Variants in SGCZ observed in about 807,000 individuals in gnomAD.
SGCZ encodes zeta-sarcoglycan.
Under a neutral mutation model 41.3 loss-of-function variants are expected in SGCZ, and 40 were observed. That is an observed-to-expected ratio of 0.97 (90% CI 0.75 to 1.26). The LOEUF (loss-of-function observed/expected upper bound fraction) is 1.26, where lower values mean the gene tolerates loss of function less well. Among genes scored for constraint, SGCZ ranks in the 50% most tolerant of loss-of-function variants. The probability of loss-of-function intolerance (pLI) is 0.00; values close to 1 mark genes in which losing one functional copy is unlikely to be tolerated. For synonymous variants in SGCZ, 206 were observed against 137.5 expected, an observed-to-expected ratio of 1.50 and a Z score of -3.49; for missense variants, 552 against 369.8, an observed-to-expected ratio of 1.49 and a Z score of -4.04.
At chr8:14,410,519 C>A in intron 2 of SGCZ, among the ~76,000 whole-genome samples, 1 of 146,608 alleles carries the variant, frequency 6.8e-6, no homozygotes, top group Non-Finnish European at 1.5e-5. Flanking sequence ...ATGTGAAATG[C>A]TGTGTAATTC....
At chr8:14,553,526 C>A (rs577410910) in intron 2 of SGCZ, among the ~76,000 whole-genome samples, 1 of 152,130 alleles carries the variant, frequency 6.6e-6, no homozygotes, top group Admixed American at 6.6e-5. Flanking sequence ...AAAAATGGAA[C>A]CGTGGCTCAT....
intron 7 of SGCZ, among the ~76,000 whole-genome samples, chr8:14,093,375 C>G (rs991797748): frequency 6.6e-6 from 1 of 152,036 alleles, no homozygotes; most frequent in Admixed American, 6.6e-5. Context: ...CTGATGTCAT[C>G]CCCCACACTT....
chr8:15,083,860 A>C (rs1428100031), intron 1 of SGCZ, among the ~76,000 whole-genome samples: 2 of 152,176 alleles, frequency 1.3e-5, no homozygotes, highest in Non-Finnish European at 2.9e-5. Context: ...CTGGGGTTAC[A>C]GGTATAAGCC....
chr8:14,580,144 T>C (rs1804840017), intron 1 of SGCZ, among the ~76,000 whole-genome samples: 1 of 152,160 alleles, frequency 6.6e-6, no homozygotes, highest in Non-Finnish European at 1.5e-5. Context: ...AACACAGAAT[T>C]GCTCAGTTAG....
chr8:14,527,476 A>T (rs892810911), intron 2 of SGCZ, among the ~76,000 whole-genome samples: 4 of 151,978 alleles, frequency 2.6e-5, no homozygotes, highest in African/African-American at 9.7e-5. Context: ...TAATTTTTAA[A>T]CTATTTTTTG....
intron 3 of SGCZ, among the ~76,000 whole-genome samples, chr8:14,274,793 A>C (rs1800174163): frequency 6.6e-6 from 1 of 152,052 alleles, no homozygotes; most frequent in Non-Finnish European, 1.5e-5. Flanking sequence ...AATAAGAAAC[A>C]CTATTATCAA....
At chr8:15,223,166 A>G (rs529102020) in intron 1 of SGCZ, among the ~76,000 whole-genome samples, 1 of 152,284 alleles carries the variant, frequency 6.6e-6, no homozygotes, top group East Asian at 1.9e-4. Context: ...ATTGAAATAA[A>G]CTTGGTTTAC....
chr8:14,764,360 A>C (rs1269471482), intron 1 of SGCZ, among the ~76,000 whole-genome samples: 2 of 152,218 alleles, frequency 1.3e-5, no homozygotes, highest in Non-Finnish European at 2.9e-5. Flanking sequence ...GAATTGCAAA[A>C]GGCAATGCAT....
chr8:14,999,725 C>T (rs568467914), intron 1 of SGCZ, among the ~76,000 whole-genome samples: 1 of 152,254 alleles, frequency 6.6e-6, no homozygotes, highest in South Asian at 2.1e-4. Flanking sequence ...TCAGTGCACA[C>T]CCCAGGCAGT....
At chr8:14,307,415 C>T (rs971859343) in intron 3 of SGCZ, among the ~76,000 whole-genome samples, 6 of 152,060 alleles carry the variant, frequency 3.9e-5, no homozygotes, top group Admixed American at 6.6e-5. Context: ...ATTCCTTTCC[C>T]GTCCATATTC....
intron 5 of SGCZ, among the ~76,000 whole-genome samples, chr8:14,154,058 A>C (rs569313013): frequency 5.5e-4 from 83 of 152,224 alleles, no homozygotes; most frequent in Non-Finnish European, 8.2e-4. Flanking sequence ...TCGAACTTCT[A>C]GCCTCTAGAA....
At chr8:14,611,945 ATAT>A (rs1387933282) in intron 1 of SGCZ, among the ~76,000 whole-genome samples, 1 of 152,208 alleles carries the variant, frequency 6.6e-6, no homozygotes, top group African/African-American at 2.4e-5. Context: ...TGATATGTAA[ATAT>A]TATGTCTTAA....
intron 2 of SGCZ, among the ~76,000 whole-genome samples, chr8:14,344,436 C>G (rs1039635822): frequency 1.2e-4 from 18 of 151,724 alleles, no homozygotes; most frequent in Non-Finnish European, 1.5e-4. Context: ...AATACATTAA[C>G]TATAGAATAA....
intron 3 of SGCZ, among the ~76,000 whole-genome samples, chr8:14,264,046 G>T (rs1040152094): frequency 6.6e-6 from 1 of 152,174 alleles, no homozygotes; most frequent in Non-Finnish European, 1.5e-5. Flanking sequence ...GCAACCTACA[G>T]CCCCAGCAGT....
At chr8:14,985,145 A>G (rs1204288118) in intron 1 of SGCZ, among the ~76,000 whole-genome samples, 3 of 152,220 alleles carry the variant, frequency 2.0e-5, no homozygotes, top group Non-Finnish European at 4.4e-5. Context: ...TGAAATGAAT[A>G]CATTTGGATG....
At chr8:14,639,031 CT>C (rs1437419532) in intron 1 of SGCZ, among the ~76,000 whole-genome samples, 4 of 135,888 alleles carry the variant, frequency 2.9e-5, no homozygotes, top group Admixed American at 1.6e-4. Context: ...CACTAAGAAA[CT>C]GGAATCTTTT....
At chr8:15,146,718 G>A (rs1185497816) in intron 1 of SGCZ, among the ~76,000 whole-genome samples, 1 of 152,054 alleles carries the variant, frequency 6.6e-6, no homozygotes, top group Non-Finnish European at 1.5e-5. Context: ...TATAATACCT[G>A]TACTATTTTT....
chr8:14,095,200 C>T (rs1298788539), intron 7 of SGCZ, among the ~76,000 whole-genome samples: 9 of 152,064 alleles, frequency 5.9e-5, no homozygotes, highest in East Asian at 1.9e-4. Context: ...AGTCTTTGCC[C>T]GTGCCTATGT....
chr8:14,807,296 G>C (rs1048856612), intron 1 of SGCZ, among the ~76,000 whole-genome samples: 1 of 152,126 alleles, frequency 6.6e-6, no homozygotes, highest in Non-Finnish European at 1.5e-5. Context: ...AATTGTCCCT[G>C]TTTGCAGACG....
Sources: allele counts gnomAD v4.1 joint callset (sites outside exome capture counted in the v4.1 genomes callset), GRCh38; gene constraint gnomAD v4.1.1; transcripts MANE v1.5; gene names NCBI Gene and HGNC (gene_info 2026-07-23, HGNC 2026-07-21).